Variants in RANBP2 observed in about 807,000 individuals in gnomAD.
RANBP2 encodes E3 SUMO-protein ligase RanBP2.
In RANBP2, 57 loss-of-function variants were observed where a neutral mutation model predicts 303.6. The ratio of observed to expected loss-of-function variants is 0.19; its 90% CI spans 0.15 to 0.23. RANBP2 has a LOEUF of 0.23. RANBP2 is among the 10% of genes least tolerant of loss of function. RANBP2 has a pLI of 1.00. For synonymous variants in RANBP2, 1,167 were observed against 1,301.5 expected, an observed-to-expected ratio of 0.90 and a Z score of 2.23; for missense variants, 3,138 against 3,780.8, an observed-to-expected ratio of 0.83 and a Z score of 4.46.
chr2:109,437,023 G>T, the RANBP2 span: 1 of 1,613,838 alleles, frequency 6.2e-7, no homozygotes, highest in Non-Finnish European at 8.5e-7. Context: ...CACCAGGCCC[G>T]CCCTGCCCAT....
At chr2:109,125,389 T>C in the RANBP2 span, among the ~76,000 whole-genome samples, 3 of 152,244 alleles carry the variant, frequency 2.0e-5, no homozygotes, top group Non-Finnish European at 1.5e-5. Flanking sequence ...GCCAAAAACC[T>C]GACATACAGC....
At chr2:109,532,924 T>C in the RANBP2 span, among the ~76,000 whole-genome samples, 1 of 152,190 alleles carries the variant, frequency 6.6e-6, no homozygotes, top group Admixed American at 6.5e-5. Flanking sequence ...CTGTTTAGTT[T>C]CTGTTAATTC....
chr2:108,764,028 G>A lies in RANBP2; in HGVS notation c.3489G>A (p.Gly1163=). 5.0e-6 allele frequency: 8 copies of A among 1,613,904 alleles called. No individual in the cohort carries two copies. Among genetic ancestry groups the A allele is most frequent in the African/African-American group, 2.7e-5 (2 of 74,992 alleles). The change falls in exon 20 of 29, where the codon GGG becomes GGA. Residue 1163 remains glycine, a synonymous_variant. Coordinates refer to ENST00000283195, the MANE Select transcript of RANBP2 (RefSeq NM_006267.5). ...AGACAGATGGAGGAAGTGCCCATGG[G>A]GATGATGATGATGACGGTCCTCACT... ...NHETDGGSAH[G]DDDDDGPHFE...
At chr2:108,816,140 T>C in the RANBP2 span, 1 of 1,492,098 alleles carries the variant, frequency 6.7e-7, no homozygotes, top group South Asian at 1.2e-5. Flanking sequence ...TGATTCAGAA[T>C]ATATGAAGAT....
At chr2:109,593,019 C>T in the RANBP2 span, 4 of 1,430,320 alleles carry the variant, frequency 2.8e-6, no homozygotes, top group East Asian at 2.4e-5. Context: ...ATTTAGAGTA[C>T]AATATGGTAT....
chr2:109,306,822 G>T, the RANBP2 span, among the ~76,000 whole-genome samples: 1 of 152,178 alleles, frequency 6.6e-6, no homozygotes. Flanking sequence ...TATTTCCTAG[G>T]TTGCTCTGGT....
chr2:109,399,927 G>A, the RANBP2 span, among the ~76,000 whole-genome samples: 1 of 152,190 alleles, frequency 6.6e-6, no homozygotes, highest in Non-Finnish European at 1.5e-5. Flanking sequence ...ATTTCTCCCT[G>A]CGCTGCAGCC....
At chr2:109,584,448 C>A in the RANBP2 span, among the ~76,000 whole-genome samples, 14 of 121,702 alleles carry the variant, frequency 1.2e-4, no homozygotes, top group South Asian at 3.4e-3. Flanking sequence ...GCACTCCAGA[C>A]TGGGTGACAG....
At chr2:109,326,153 T>C in the RANBP2 span, among the ~76,000 whole-genome samples, 1 of 152,358 alleles carries the variant, frequency 6.6e-6, no homozygotes, top group Non-Finnish European at 1.5e-5. Flanking sequence ...ATTTTATCTA[T>C]CTGTTCTTGG....
chr2:109,229,729 G>A, the RANBP2 span, among the ~76,000 whole-genome samples: 8 of 152,090 alleles, frequency 5.3e-5, no homozygotes, highest in African/African-American at 1.4e-4. Context: ...TGGAATCATA[G>A]AATATTTGTC....
the RANBP2 span, chr2:108,885,471 AAAGT>A: frequency 4.6e-5 from 7 of 152,262 alleles, no homozygotes; most frequent in African/African-American, 7.2e-5. Context: ...ATAAAATTGA[AAAGT>A]AAGTACTGTA....
the RANBP2 span, among the ~76,000 whole-genome samples, chr2:109,136,799 C>T: frequency 3.3e-5 from 5 of 152,172 alleles, no homozygotes; most frequent in Admixed American, 6.5e-5. Context: ...CACAGGAATT[C>T]GGATCAGGAG....
the RANBP2 span, among the ~76,000 whole-genome samples, chr2:108,832,178 C>T: frequency 3.3e-5 from 5 of 151,676 alleles, no homozygotes; most frequent in African/African-American, 7.3e-5. Context: ...TACAGGTGTA[C>T]GCCATCACAC....
chr2:109,278,109 C>CT, the RANBP2 span, among the ~76,000 whole-genome samples: 9 of 151,170 alleles, frequency 6.0e-5, no homozygotes, highest in African/African-American at 2.2e-4. Context: ...CCCAGGAGGT[C>CT]TAGGCTGCAG....
chr2:109,326,696 T>C, the RANBP2 span, among the ~76,000 whole-genome samples: 9 of 152,256 alleles, frequency 5.9e-5, no homozygotes, highest in African/African-American at 2.2e-4. Context: ...GAAAGATCTA[T>C]CTGTTCTTGA....
the RANBP2 span, chr2:108,912,669 C>A: frequency 1.9e-6 from 3 of 1,580,726 alleles, no homozygotes; most frequent in Non-Finnish European, 1.7e-6. Flanking sequence ...ACCTGAGCAC[C>A]CTCCTCACCT....
At chr2:109,524,147 C>T in the RANBP2 span, among the ~76,000 whole-genome samples, 7 of 152,164 alleles carry the variant, frequency 4.6e-5, no homozygotes, top group African/African-American at 9.7e-5. Flanking sequence ...GGCCTAGTGG[C>T]GCAAGAGCAG....
chr2:108,786,941 G>C (rs368309167), downstream of RANBP2: 431 of 1,466,200 alleles, frequency 2.9e-4, 5 homozygotes, highest in African/African-American at 5.4e-3. Context: ...GAGGTCCGCG[G>C]GTGGGCTCCT....
At position 108,782,203 on chromosome 2, in the gene RANBP2, G is replaced by T. The variant is rs1275011746; in HGVS notation, c.8836G>T (p.Asp2946Tyr). The T allele has an allele frequency of 4.3e-6, 7 of 1,614,170 alleles. No individual in the cohort carries two copies. Among genetic ancestry groups the T allele is most frequent in the East Asian group, 4.5e-5 (2 of 44,878 alleles). The change falls in exon 27 of 29, where the codon GAT becomes TAT. Residue 2946 changes from aspartate to tyrosine, a missense_variant. Physicochemically the swap from Asp to Tyr is radical, Grantham distance 160. This residue lies in a region of RANBP2 where 68 missense variants were observed against 117.4 expected (regional missense o/e 0.58). Transcript: ENST00000283195. Reference sequence around the variant, plus strand: ...AGCCAAACTTTATAGATGGGATCGGGATGTCAGTCAGTGGAAGGAGCGCGG... The same window carrying T: ...AGCCAAACTTTATAGATGGGATCGGTATGTCAGTCAGTGGAAGGAGCGCGG... ...ERAKLYRWDRDVSQWKERGVG... is the reference protein window; with the variant it reads ...ERAKLYRWDRYVSQWKERGVG...
Sources: gnomAD v4.1 joint callset for allele counts (sites outside exome capture counted in the v4.1 genomes callset) on GRCh38, gnomAD v4.1.1 for gene constraint, gnomAD v4.1.1 regional missense constraint, MANE v1.5 for transcripts, NCBI Gene and HGNC (gene_info 2026-07-23, HGNC 2026-07-21) for gene names.